The following SLC9A9 variants were observed in gnomAD, a reference collection of about 807,000 sequenced individuals.
SLC9A9 encodes the protein sodium/hydrogen exchanger 9.
SLC9A9 carries 62 observed loss-of-function variants against 77.8 expected under a neutral mutation model. The observed-to-expected ratio is 0.80, with a 90% CI of 0.65 to 0.98. The LOEUF is 0.98. SLC9A9 is among the 50% of genes least tolerant of loss of function. SLC9A9 has a pLI of 0.00. For synonymous variants in SLC9A9, 320 were observed against 283.5 expected, an observed-to-expected ratio of 1.13 and a Z score of -1.29; for missense variants, 775 against 774.9, an observed-to-expected ratio of 1.00 and a Z score of 0.00.
chr3:143,540,885 T>G (rs2108629631), intron 9 of SLC9A9, among the ~76,000 whole-genome samples: 1 of 152,304 alleles, frequency 6.6e-6, no homozygotes, highest in South Asian at 2.1e-4. Context: ...GATACTAAAT[T>G]TTTTAAAACC....
intron 4 of SLC9A9, among the ~76,000 whole-genome samples, chr3:143,724,904 G>A (rs1375222340): frequency 6.6e-6 from 1 of 151,984 alleles, no homozygotes; most frequent in Non-Finnish European, 1.5e-5. Flanking sequence ...TCAGTGTCAG[G>A]TGGCTCAAAA....
chr3:143,295,433 A>G (rs909555955), intron 14 of SLC9A9, among the ~76,000 whole-genome samples: 1 of 152,346 alleles, frequency 6.6e-6, no homozygotes, highest in East Asian at 1.9e-4. Context: ...TCCAGTAATC[A>G]GGTCTATGAT....
intron 4 of SLC9A9, among the ~76,000 whole-genome samples, chr3:143,757,832 G>C (rs1046348417): frequency 2.6e-5 from 4 of 152,076 alleles, no homozygotes; most frequent in Admixed American, 6.6e-5. Flanking sequence ...ATTAGAAAGG[G>C]GGGTAGTATG....
intron 11 of SLC9A9, among the ~76,000 whole-genome samples, chr3:143,489,135 C>A (rs574268068): frequency 3.9e-5 from 6 of 151,912 alleles, no homozygotes; most frequent in African/African-American, 1.4e-4. Flanking sequence ...ATTCCATTCA[C>A]AATAGCATCA....
At chr3:143,654,570 A>C (rs891476709) in intron 5 of SLC9A9, among the ~76,000 whole-genome samples, 1 of 152,228 alleles carries the variant, frequency 6.6e-6, no homozygotes, top group East Asian at 1.9e-4. Flanking sequence ...GCATCTACCC[A>C]AAACAAAAAA....
intron 5 of SLC9A9, among the ~76,000 whole-genome samples, chr3:143,684,429 G>T (rs542532655): frequency 2.6e-5 from 4 of 151,984 alleles, no homozygotes; most frequent in Non-Finnish European, 5.9e-5. Context: ...TATGCAGGTT[G>T]TCTCCCTTTA....
chr3:143,419,114 A>G (rs2034251305), intron 12 of SLC9A9, among the ~76,000 whole-genome samples: 1 of 152,156 alleles, frequency 6.6e-6, no homozygotes, highest in Non-Finnish European at 1.5e-5. Context: ...TTCTTAGTTT[A>G]TGTGACTTTG....
At chr3:143,381,810 T>C (rs2108498363) in intron 13 of SLC9A9, 4 of 514,416 alleles carry the variant, frequency 7.8e-6, no homozygotes, top group East Asian at 3.5e-5. Context: ...ATCATATACT[T>C]TGTAAAGTTT....
intron 4 of SLC9A9, among the ~76,000 whole-genome samples, chr3:143,760,237 G>C (rs926849002): frequency 6.6e-6 from 1 of 151,838 alleles, no homozygotes; most frequent in African/African-American, 2.4e-5. Context: ...TTTTGTCAAA[G>C]GCCTTTGAAT....
intron 4 of SLC9A9, among the ~76,000 whole-genome samples, chr3:143,735,101 G>T (rs1448026311): frequency 6.6e-6 from 1 of 152,152 alleles, no homozygotes; most frequent in Non-Finnish European, 1.5e-5. Context: ...GACAAAATCA[G>T]CATTAATATA....
intron 5 of SLC9A9, among the ~76,000 whole-genome samples, chr3:143,677,642 T>C (rs2108770394): frequency 6.6e-6 from 1 of 152,338 alleles, no homozygotes; most frequent in East Asian, 1.9e-4. Context: ...AAGTCCACTC[T>C]TTCCTGCAAC....
rs185811306 is a variant in SLC9A9, at chr3:143,564,643, A to G, written c.1000+9445T>C. Among the ~76,000 whole-genome samples the G allele has an allele frequency of 2.9e-4, 44 of 152,310 alleles. No individual in the cohort carries two copies. In the East Asian group the frequency reaches 8.3e-3, roughly 29 times the overall value. On this transcript the variant is annotated intron_variant, in intron 8 of 15. Coordinates refer to ENST00000316549, the MANE Select transcript of SLC9A9 (RefSeq NM_173653.4). ...CCTTCAGGCAATATGAAAGTATCCAACTTTCCAAAGAGTACAATTACCATC... is the reference window on the plus strand; with the variant it reads ...CCTTCAGGCAATATGAAAGTATCCAGCTTTCCAAAGAGTACAATTACCATC...
chr3:143,778,808 G>A (rs1262049955), intron 4 of SLC9A9, among the ~76,000 whole-genome samples: 1 of 152,162 alleles, frequency 6.6e-6, no homozygotes, highest in Non-Finnish European at 1.5e-5. Flanking sequence ...TAATAGATCA[G>A]TTGAGTCTAA....
At chr3:143,581,552 CTCTT>C (rs2037453832) in intron 6 of SLC9A9, among the ~76,000 whole-genome samples, 1 of 151,612 alleles carries the variant, frequency 6.6e-6, no homozygotes, top group Non-Finnish European at 1.5e-5. Flanking sequence ...TCCTTCCTTT[CTCTT>C]TCTTTCTTTG....
At chr3:143,547,543 C>T (rs1409444665) in intron 9 of SLC9A9, among the ~76,000 whole-genome samples, 1 of 152,236 alleles carries the variant, frequency 6.6e-6, no homozygotes, top group Non-Finnish European at 1.5e-5. Flanking sequence ...TTCCCCACCT[C>T]ATTTGGGCTC....
chr3:143,831,666 T>A (rs2009436524), intron 2 of SLC9A9, among the ~76,000 whole-genome samples: 1 of 152,238 alleles, frequency 6.6e-6, no homozygotes, highest in South Asian at 2.1e-4. Context: ...TCAGCTGGCA[T>A]TATATACAAC....
chr3:143,284,003 T>G (rs930580875), intron 14 of SLC9A9, among the ~76,000 whole-genome samples: 1 of 152,168 alleles, frequency 6.6e-6, no homozygotes, highest in Non-Finnish European at 1.5e-5. Flanking sequence ...TTTGGTAGTT[T>G]GTTGTGTGTC....
chr3:143,848,439 T>G lies in SLC9A9; in HGVS notation c.-117A>C. 1 of 1,332,470 alleles carries G rather than the reference T, an allele frequency of 7.5e-7. No homozygotes were observed. The highest frequency in any genetic ancestry group is 1.1e-6 in the Non-Finnish European group (1 of 934,740). The allele number at this position is 1,332,470 out of a possible 1,614,324, so 82.5% of individuals were successfully genotyped here. A position where few individuals can be genotyped will look rare whatever the true frequency, so the allele number is the denominator to read the frequency against. Reference sequence around the variant, plus strand: ...TCAGAAGAAACACTGCCACTTTAGTTGCTACTTCACAAGCATTCTGCCCTG... The same window carrying G: ...TCAGAAGAAACACTGCCACTTTAGTGGCTACTTCACAAGCATTCTGCCCTG... On this transcript the variant is annotated 5_prime_UTR_variant, in exon 1 of 16. Transcript: ENST00000316549.
chr3:143,266,202 G>A lies in SLC9A9; in HGVS notation c.*500C>T. The A allele has an allele frequency of 1.5e-6, 1 of 662,292 alleles. No homozygotes were observed. The highest frequency in any genetic ancestry group is 2.7e-6 in the Non-Finnish European group (1 of 367,164). The allele number at this position is 662,292 out of a possible 1,614,324, so 41.0% of individuals were successfully genotyped here. A position where few individuals can be genotyped will look rare whatever the true frequency, so the allele number is the denominator to read the frequency against. On this transcript the variant is annotated 3_prime_UTR_variant, in exon 16 of 16. Transcript: ENST00000316549. ...CTGGGCTCTGCCCTGGGGTCACTGAGAGCAAATGGGAGTCAAGTCCTCAAA... is the reference window on the plus strand; with the variant it reads ...CTGGGCTCTGCCCTGGGGTCACTGAAAGCAAATGGGAGTCAAGTCCTCAAA...
Sources: allele counts gnomAD v4.1 joint callset (sites outside exome capture counted in the v4.1 genomes callset), GRCh38; gene constraint gnomAD v4.1.1; transcripts MANE v1.5; gene names NCBI Gene and HGNC (gene_info 2026-07-23, HGNC 2026-07-21).